The following GLIS3 variants were observed in gnomAD, a reference collection of about 807,000 sequenced individuals.
GLIS3 encodes the protein GLIS family zinc finger 3.
Under a neutral mutation model 78.6 loss-of-function variants are expected in GLIS3, and 53 were observed. That is an observed-to-expected ratio of 0.67 (90% CI 0.54 to 0.85). GLIS3 has a LOEUF of 0.85. GLIS3 is among the 40% of genes least tolerant of loss of function. GLIS3 has a pLI of 0.00. For synonymous variants in GLIS3, 684 were observed against 509.9 expected, an observed-to-expected ratio of 1.34 and a Z score of -4.60; for missense variants, 1,703 against 1,231.1, an observed-to-expected ratio of 1.38 and a Z score of -5.74.
At chr9:4,225,812 T>C (rs779203862) in intron 2 of GLIS3, among the ~76,000 whole-genome samples, 3 of 152,200 alleles carry the variant, frequency 2.0e-5, no homozygotes, top group Non-Finnish European at 4.4e-5. Context: ...CTACGAGTCA[T>C]GAATTTGAGA....
chr9:4,134,466 G>C (rs893087686), intron 2 of GLIS3, among the ~76,000 whole-genome samples: 3 of 152,044 alleles, frequency 2.0e-5, no homozygotes, highest in Admixed American at 1.3e-4. Flanking sequence ...ATGTAACTTT[G>C]GTCATTTAGC....
At chr9:4,465,757 A>T in the GLIS3 span, among the ~76,000 whole-genome samples, 1 of 152,170 alleles carries the variant, frequency 6.6e-6, no homozygotes, top group Non-Finnish European at 1.5e-5. Flanking sequence ...ATTCAAAAAA[A>T]TTTTCAAAAA....
At chr9:4,163,077 C>T (rs988111435) in intron 2 of GLIS3, among the ~76,000 whole-genome samples, 1 of 152,192 alleles carries the variant, frequency 6.6e-6, no homozygotes, top group African/African-American at 2.4e-5. Flanking sequence ...GGACTCTACA[C>T]ATGTTATACA....
chr9:4,313,599 ATT>A (rs1192215401), intron 2 of GLIS3, among the ~76,000 whole-genome samples: 1 of 152,074 alleles, frequency 6.6e-6, no homozygotes, highest in African/African-American at 2.4e-5. Flanking sequence ...TTGGACCTTG[ATT>A]TTTCTCTCTG....
chr9:4,400,626 C>T, the GLIS3 span, among the ~76,000 whole-genome samples: 1 of 152,230 alleles, frequency 6.6e-6, no homozygotes, highest in Admixed American at 6.5e-5. Context: ...ATTTCCCTTA[C>T]TTCTCTTACA....
Position 3,828,148 on chromosome 9 carries a change from A to G in GLIS3, c.*124T>C. 1 of 1,096,724 alleles carries G rather than the reference A, an allele frequency of 9.1e-7. No homozygotes were observed. Among genetic ancestry groups the G allele is most frequent in the Non-Finnish European group, 1.4e-6 (1 of 727,330 alleles). The allele number at this position is 1,096,724 out of a possible 1,614,324, so 67.9% of individuals were successfully genotyped here. A position where few individuals can be genotyped will look rare whatever the true frequency, so the allele number is the denominator to read the frequency against. On this transcript the variant is annotated 3_prime_UTR_variant, in exon 11 of 11. Coordinates refer to ENST00000381971, the MANE Select transcript of GLIS3 (RefSeq NM_001042413.2). ...CAGTCCTGCCTTCTGAAAGAACATC[A>G]GTAACTCTGCAGGGCCCGCTGATTG...
intron 4 of GLIS3, among the ~76,000 whole-genome samples, chr9:4,037,460 C>T (rs958966381): frequency 1.3e-5 from 2 of 152,046 alleles, no homozygotes; most frequent in South Asian, 2.1e-4. Flanking sequence ...AAATGTTATA[C>T]ACATGTTTTA....
the GLIS3 span, among the ~76,000 whole-genome samples, chr9:4,407,839 G>A: frequency 8.4e-4 from 128 of 152,154 alleles, no homozygotes; most frequent in Middle Eastern, 0.01. Context: ...CCCGCAGAAT[G>A]AGAGAAAGTA....
the GLIS3 span, among the ~76,000 whole-genome samples, chr9:4,391,857 C>G: frequency 6.6e-6 from 1 of 152,072 alleles, no homozygotes; most frequent in Non-Finnish European, 1.5e-5. Context: ...CCTCAAAGAC[C>G]TAGAACCAGA....
At chr9:3,861,116 T>C (rs1319860708) in intron 8 of GLIS3, among the ~76,000 whole-genome samples, 2 of 152,206 alleles carry the variant, frequency 1.3e-5, no homozygotes, top group African/African-American at 2.4e-5. Flanking sequence ...GAATGATCGA[T>C]TGAATGTACA....
In GLIS3 at chr9:4,050,402, A is replaced by T. The variant is rs538788887; in HGVS notation, c.1710+67366T>A. 5.1e-4 allele frequency among the ~76,000 whole-genome samples: 77 copies of T among 152,154 alleles called. 1 individual carries two copies. The East Asian group carries it at 9.5e-3, about 19-fold the overall frequency. On this transcript the variant is annotated intron_variant, in intron 4 of 10. Transcript: ENST00000381971. ...CACAGGTGGGAATTGAACAATGAGA[A>T]CACTTGTACACAGGGCGGGGAACAT...
the GLIS3 span, among the ~76,000 whole-genome samples, chr9:4,387,769 A>G: frequency 2.0e-5 from 3 of 152,260 alleles, no homozygotes; most frequent in African/African-American, 7.2e-5. Flanking sequence ...CAAAATTGCC[A>G]GCAGCTGTAC....
intron 9 of GLIS3, among the ~76,000 whole-genome samples, chr9:3,840,585 A>T (rs1369468076): frequency 1.3e-5 from 2 of 152,230 alleles, no homozygotes; most frequent in Non-Finnish European, 2.9e-5. Context: ...CTACTAAGAA[A>T]GAGGAAGATA....
intron 2 of GLIS3, among the ~76,000 whole-genome samples, chr9:4,198,017 A>C (rs1819026656): frequency 1.3e-5 from 2 of 152,238 alleles, no homozygotes; most frequent in South Asian, 4.1e-4. Context: ...TGCCTGCATG[A>C]AATTAATTAC....
intron 4 of GLIS3, among the ~76,000 whole-genome samples, chr9:3,949,261 A>C (rs1054467746): frequency 1.1e-4 from 16 of 152,248 alleles, no homozygotes; most frequent in Non-Finnish European, 1.5e-5. Context: ...CATTCTCATC[A>C]AAATCTGAGC....
At chr9:4,186,406 C>T (rs1203255686) in intron 2 of GLIS3, among the ~76,000 whole-genome samples, 1 of 151,882 alleles carries the variant, frequency 6.6e-6, no homozygotes, top group African/African-American at 2.4e-5. Flanking sequence ...CATTGTTGGA[C>T]ATTTGGGTTG....
chr9:3,991,838 C>G (rs1820308093), intron 4 of GLIS3, among the ~76,000 whole-genome samples: 1 of 151,916 alleles, frequency 6.6e-6, no homozygotes. Context: ...CTACAGGCGC[C>G]TGCAACCATG....
At chr9:4,336,661 C>T (rs1817761466) in intron 2 of GLIS3, among the ~76,000 whole-genome samples, 1 of 152,170 alleles carries the variant, frequency 6.6e-6, no homozygotes, top group Non-Finnish European at 1.5e-5. Context: ...AGACCCAGAT[C>T]CACCTAACTC....
chr9:4,168,242 T>C (rs986003264), intron 2 of GLIS3, among the ~76,000 whole-genome samples: 3 of 151,992 alleles, frequency 2.0e-5, no homozygotes, highest in Non-Finnish European at 4.4e-5. Context: ...TCAGACTAGC[T>C]CTCTGTTGTA....
Sources: gnomAD v4.1 joint callset for allele counts (sites outside exome capture counted in the v4.1 genomes callset) on GRCh38, gnomAD v4.1.1 for gene constraint, MANE v1.5 for transcripts, NCBI Gene and HGNC (gene_info 2026-07-23, HGNC 2026-07-21) for gene names.